Variants in SPATA6L observed in about 807,000 individuals in gnomAD.
SPATA6L encodes the protein spermatogenesis associated 6 like.
A neutral mutation model predicts 49.2 loss-of-function variants in SPATA6L; 68 were observed. That is an observed-to-expected ratio of 1.38 (90% CI 1.14 to 1.69). SPATA6L has a LOEUF of 1.69. Among genes scored for constraint, SPATA6L ranks in the 40% most tolerant of loss-of-function variants. The pLI, the probability that SPATA6L is intolerant of heterozygous loss-of-function variation, is 0.00. For missense variants in SPATA6L, 668 were observed against 464.3 expected, an observed-to-expected ratio of 1.44 and a Z score of -4.03; for synonymous variants, 198 against 165.7, an observed-to-expected ratio of 1.19 and a Z score of -1.50.
intron 7 of SPATA6L, among the ~76,000 whole-genome samples, chr9:4,619,818 G>A (rs1828861217): frequency 6.6e-6 from 1 of 152,104 alleles, no homozygotes; most frequent in Non-Finnish European, 1.5e-5. Context: ...TAATGCCGAA[G>A]TATGGCAAGG....
intron 9 of SPATA6L, among the ~76,000 whole-genome samples, chr9:4,615,882 A>AAG (rs1662296323): frequency 6.6e-6 from 1 of 152,094 alleles, no homozygotes; most frequent in African/African-American, 2.4e-5. Flanking sequence ...AGAGACAAAA[A>AAG]CCACGGGTTT....
In SPATA6L at chr9:4,662,465, C is replaced by T. The variant is rs1840055818; in HGVS notation, c.40-429G>A. 1 of 1,546,362 alleles carries T rather than the reference C, an allele frequency of 6.5e-7. No individual in the cohort carries two copies. Among genetic ancestry groups the T allele is most frequent in the African/African-American group, 1.4e-5 (1 of 73,062 alleles). ...GCAGCCCCGGCAGCCCAGCCCATGG[C>T]GGCGGTGGCGGCGGCAGCAGGTTTG... On this transcript the variant is annotated intron_variant, in intron 1 of 11. Transcript: ENST00000682582. This position sits in a 1 kb window ranked among gnomAD's most constrained non-coding sequence, Gnocchi z 4.9.
chr9:4,661,797 T>A (rs983337081), intron 2 of SPATA6L, 102 bp downstream of exon 2: 33 of 1,316,586 alleles, frequency 2.5e-5, no homozygotes, highest in South Asian at 1.6e-4. Flanking sequence ...ATAATTTTTT[T>A]AAAAATGAAA....
At chr9:4,642,600 C>G (rs1834276330) in intron 3 of SPATA6L, among the ~76,000 whole-genome samples, 2 of 152,192 alleles carry the variant, frequency 1.3e-5, no homozygotes. Flanking sequence ...CCAGTGATAT[C>G]CACAGCAGGC....
In SPATA6L at chr9:4,603,627, G is replaced by C. The variant is rs914683317; in HGVS notation, c.*1+552C>G. Reference sequence around the variant, plus strand: ...TGCGTATAAAGCAGTGAACAACAGAGACAGATTCTCTGATCTCATAAGGTT... The same window carrying C: ...TGCGTATAAAGCAGTGAACAACAGACACAGATTCTCTGATCTCATAAGGTT... On this transcript the variant is annotated intron_variant, in intron 11 of 11. Coordinates refer to ENST00000682582, the MANE Select transcript of SPATA6L (RefSeq NM_001353486.2). 2.6e-5 allele frequency among the ~76,000 whole-genome samples: 4 copies of C among 152,112 alleles called. No individual in the cohort carries two copies. The East Asian group carries it at 5.8e-4, about 22-fold the overall frequency.
At chr9:4,594,082 C>G (rs901147253), downstream of SPATA6L, among the ~76,000 whole-genome samples, 2 of 152,210 alleles carry the variant, frequency 1.3e-5, no homozygotes, top group Admixed American at 6.5e-5. Context: ...CCTCAGATCC[C>G]CACCTCCAAC....
intron 4 of SPATA6L, 102 bp downstream of exon 4, chr9:4,635,173 G>A: frequency 2.4e-6 from 3 of 1,262,662 alleles, no homozygotes; most frequent in East Asian, 2.8e-5. Flanking sequence ...AGAACAGCAG[G>A]GGTACTAACC....
At chr9:4,609,711 A>T (rs1459311373) in intron 9 of SPATA6L, among the ~76,000 whole-genome samples, 1 of 151,320 alleles carries the variant, frequency 6.6e-6, no homozygotes, top group African/African-American at 2.5e-5. Flanking sequence ...CAAAAACTGG[A>T]AGCATTCCCT....
rs1425980322 is a variant in SPATA6L at position 4,604,255 on chromosome 9, A to C, written c.1104T>G (p.Ser368=). ...QLHQNKEDST[S]EVNYIIERPS... The stretch of plus-strand genomic sequence containing the variant: ...GTCTTTCAATGATATAATTTACTTC[A>C]GAGGTAGAATCTTCCTACAATAAAA... The change falls in exon 11 of 12, where the codon TCT becomes TCG. Residue 368 remains serine, a synonymous_variant. Transcript: ENST00000682582. 6.2e-7 allele frequency: 1 copy of C among 1,608,892 alleles called. No homozygotes were observed.
intron 4 of SPATA6L, chr9:4,633,805 C>T (rs1250406519): frequency 6.6e-6 from 1 of 152,130 alleles, no homozygotes; most frequent in East Asian, 1.9e-4. Flanking sequence ...CAGATCCCAC[C>T]CTCCAAAAAC....
At chr9:4,605,484 A>T (rs185059937) in intron 9 of SPATA6L, 44 bp from the exon 10 acceptor site, 166 of 1,384,672 alleles carry the variant, frequency 1.2e-4, no homozygotes, top group Non-Finnish European at 1.6e-4. Flanking sequence ...GCAGCTACTA[A>T]AAAGGACACT....
intron 10 of SPATA6L, among the ~76,000 whole-genome samples, chr9:4,604,700 T>A (rs1310197972): frequency 6.6e-6 from 1 of 152,224 alleles, no homozygotes; most frequent in Non-Finnish European, 1.5e-5. Context: ...ATCTAGCATA[T>A]GTCAGTATAT....
At position 4,636,065 on chromosome 9, in the gene SPATA6L, T is replaced by C. The variant is rs113019971; in HGVS notation, c.227-666A>G. Among the ~76,000 whole-genome samples, 713 of 152,248 alleles carry C rather than the reference T, an allele frequency of 4.7e-3. 8 individuals are homozygous for C. Among genetic ancestry groups the C allele is most frequent in the African/African-American group, 0.017 (688 of 41,526 alleles). On this transcript the variant is annotated intron_variant, in intron 3 of 11. Coordinates refer to ENST00000682582, the MANE Select transcript of SPATA6L (RefSeq NM_001353486.2). ...TCTGAGCCTAGAACTTAACTAACTATGTAACTGAAAATAATTATATAACTA... is the reference window on the plus strand; with the variant it reads ...TCTGAGCCTAGAACTTAACTAACTACGTAACTGAAAATAATTATATAACTA...
chr9:4,601,171 T>TTTCC (rs888950359), intron 11 of SPATA6L, among the ~76,000 whole-genome samples: 6 of 152,062 alleles, frequency 3.9e-5, no homozygotes, highest in Non-Finnish European at 8.8e-5. Context: ...ACTGAACAAA[T>TTTCC]TTCCTTCCTT....
chr9:4,640,410 T>A (rs1165394634), intron 3 of SPATA6L, among the ~76,000 whole-genome samples: 1 of 152,190 alleles, frequency 6.6e-6, no homozygotes, highest in African/African-American at 2.4e-5. Context: ...ATAACATGTC[T>A]TTTGAGTATA....
intron 9 of SPATA6L, among the ~76,000 whole-genome samples, chr9:4,606,119 C>T (rs1042939004): frequency 7.2e-5 from 11 of 151,952 alleles, no homozygotes; most frequent in Admixed American, 6.6e-4. Context: ...TAAAAAATGG[C>T]GCACCACCCA....
intron 3 of SPATA6L, among the ~76,000 whole-genome samples, chr9:4,655,491 C>A (rs1837923497): frequency 6.6e-6 from 1 of 151,316 alleles, no homozygotes; most frequent in African/African-American, 2.4e-5. Context: ...TATAAATAAA[C>A]AACCAAACAG....
chr9:4,649,038 C>T (rs1025333085), intron 3 of SPATA6L, among the ~76,000 whole-genome samples: 6 of 151,094 alleles, frequency 4.0e-5, no homozygotes, highest in Admixed American at 2.6e-4. Flanking sequence ...AGTATTCCAT[C>T]ATATATAATG....
Position 4,600,102 on chromosome 9 carries a change from G to C in SPATA6L, c.*709C>G, listed in dbSNP as rs1822847966. On this transcript the variant is annotated 3_prime_UTR_variant, in exon 12 of 12. Coordinates refer to ENST00000682582, the MANE Select transcript of SPATA6L (RefSeq NM_001353486.2). ...ATTTACTTAATGTGTAGTTCTTTTG[G>C]AGAAATATTTGAGGAAGGTTTTGTT... Among the ~76,000 whole-genome samples, 1 of 152,120 alleles carries C rather than the reference G, an allele frequency of 6.6e-6. No homozygotes were observed. Among genetic ancestry groups the C allele is most frequent in the Non-Finnish European group, 1.5e-5 (1 of 68,038 alleles).
Sources: allele counts gnomAD v4.1 joint callset (sites outside exome capture counted in the v4.1 genomes callset), GRCh38; gene constraint gnomAD v4.1.1; non-coding constraint Gnocchi (gnomAD v3.1); transcripts MANE v1.5; gene names NCBI Gene and HGNC (gene_info 2026-07-23, HGNC 2026-07-21).